KLHL38: variants seen among roughly 807,000 people sequenced by gnomAD.
KLHL38 encodes the protein kelch like family member 38, also known as kelch-like protein 38.
KLHL38 carries 38 observed loss-of-function variants against 39.6 expected under a neutral mutation model. That is an observed-to-expected ratio of 0.96 (90% CI 0.74 to 1.26). The LOEUF (loss-of-function observed/expected upper bound fraction) is 1.26. Among genes scored for constraint, KLHL38 ranks in the 50% most tolerant of loss-of-function variants. The probability of loss-of-function intolerance (pLI) is 0.00; values close to 1 mark genes in which losing one functional copy is unlikely to be tolerated. For missense variants in KLHL38, 803 were observed against 748.1 expected, an observed-to-expected ratio of 1.07 and a Z score of -0.86; for synonymous variants, 322 against 302.2, an observed-to-expected ratio of 1.07 and a Z score of -0.68.
Position 123,645,950 on chromosome 8 carries a change from A to C in KLHL38, c.1535T>G (p.Met512Arg), listed in dbSNP as rs375672745. The change falls in exon 4 of 4, where the codon ATG (methionine) becomes AGG (arginine). Residue 512 changes from methionine (M) to arginine (R), a missense_variant. Met to Arg is a moderately conservative substitution (Grantham distance 91). Transcript: ENST00000684634. ...TCCCATCACTGTGGCCCCATGGTGC[A>C]TCCTCCGGTCTTTCATGTCCGCACA... is the stretch of plus-strand genomic sequence containing the variant. ...VKCADMKDRR[M>R]HHGATVMGNK... The C allele has an allele frequency of 5.6e-6, 9 of 1,613,974 alleles. No homozygotes were observed. In the African/African-American group the frequency reaches 1.2e-4, roughly 22 times the overall value.
rs1818647772 is a variant in KLHL38, at chr8:123,645,585, G to C, written c.*154C>G. The C allele has an allele frequency of 2.9e-6, 2 of 679,860 alleles. No homozygotes were observed. The highest frequency in any genetic ancestry group is 5.0e-6 in the Non-Finnish European group (2 of 401,046). The allele number at this position is 679,860 out of a possible 1,614,324, so 42.1% of individuals were successfully genotyped here. ...GGCAGAGAAGGAGAGAGAGAGTTCT[G>C]GCAATGCAATGCCTAGTTCCAGGCC... On this transcript the variant is annotated 3_prime_UTR_variant, in exon 4 of 4. Transcript: ENST00000684634.
At position 123,652,959 on chromosome 8, in the gene KLHL38, G is replaced by A. The variant is rs527925140; in HGVS notation, c.-1-32C>T. On this transcript the variant is annotated intron_variant, in intron 1 of 3. Coordinates refer to ENST00000684634, the MANE Select transcript of KLHL38 (RefSeq NM_001081675.3). Reference sequence around the variant, plus strand: ...AGAGGGAAGGAAGCCCCCAGAGTCAGCAAGAGTCAAACCTTTCTCAGCTGC... The same window carrying A: ...AGAGGGAAGGAAGCCCCCAGAGTCAACAAGAGTCAAACCTTTCTCAGCTGC... 5 of 1,555,354 alleles carry A rather than the reference G, an allele frequency of 3.2e-6. No homozygotes were observed. The South Asian group carries it at 3.6e-5, about 11-fold the overall frequency.
chr8:123,647,568 T>G (rs1232930283), intron 2 of KLHL38, among the ~76,000 whole-genome samples: 1 of 152,232 alleles, frequency 6.6e-6, no homozygotes, highest in East Asian at 1.9e-4. Context: ...TTTGCCATGC[T>G]TTGAAACAGT....
Position 123,651,757 on chromosome 8 carries a change from C to A in KLHL38, c.1170G>T (p.Gly390=), listed in dbSNP as rs983782800. 2 of 1,613,880 alleles carry A rather than the reference C, an allele frequency of 1.2e-6. No homozygotes were observed. The highest frequency in any genetic ancestry group is 1.7e-6 in the Non-Finnish European group (2 of 1,179,886). Reference sequence around the variant, plus strand: ...CCATGAGCTCCTGCCCTTCTCCAATCCCCCCGATGGAGAAGATGAAGTTCT... The same window carrying A: ...CCATGAGCTCCTGCCCTTCTCCAATACCCCCGATGGAGAAGATGAAGTTCT... ...AHKNFIFSIG[G]IGEGQELMGS... Residue 390 remains glycine, a synonymous_variant, in exon 2 of 4, where the codon GGG becomes GGT. Coordinates refer to ENST00000684634, the MANE Select transcript of KLHL38 (RefSeq NM_001081675.3).
In KLHL38 at chr8:123,645,035, T is replaced by TGAGAGAGAGAGAGA. The variant is rs56194946; in HGVS notation, c.*690_*703dup. The stretch of plus-strand genomic sequence containing the variant: ...AGAGAGAGGAAGACAGAGGGGAGAC[T>TGAGAGAGAGAGAGA]GAGAGAGAGAGAGAGAGAGAGGGGC... On this transcript the variant is annotated 3_prime_UTR_variant, in exon 4 of 4. Transcript: ENST00000684634. Among the ~76,000 whole-genome samples, 694 of 143,558 alleles carry TGAGAGAGAGAGAGA rather than the reference T, an allele frequency of 4.8e-3. 7 individuals carry two copies. Among genetic ancestry groups the TGAGAGAGAGAGAGA allele is most frequent in the African/African-American group, 0.016 (636 of 39,006 alleles). 94.2% of individuals were successfully genotyped at this position (143,558 alleles called of 152,430 possible). A position where few individuals can be genotyped will look rare whatever the true frequency, so the allele number is the denominator to read the frequency against.
intron 1 of KLHL38, among the ~76,000 whole-genome samples, chr8:123,653,181 G>C (rs1411893186): frequency 6.6e-6 from 1 of 152,212 alleles, no homozygotes; most frequent in East Asian, 1.9e-4. Context: ...GCTAATCTGA[G>C]AGAAACAACC....
rs1351322648 is a variant in KLHL38, at chr8:123,645,916, G to C, written c.1569C>G (p.Leu523=). Residue 523 remains leucine, a synonymous_variant, in exon 4 of 4, where the codon CTC becomes CTG. Coordinates refer to ENST00000684634, the MANE Select transcript of KLHL38 (RefSeq NM_001081675.3). ...TCAGCCGCCGCCCGCCCGTCACGTA[G>C]AGTTTGTTTCCCATCACTGTGGCCC... ...HHGATVMGNK[L]YVTGGRRLTT... is the part of the protein sequence containing the mutation. 8 of 1,614,036 alleles carry C rather than the reference G, an allele frequency of 5.0e-6. No homozygotes were observed. In the East Asian group the frequency reaches 1.3e-4, roughly 27 times the overall value.
In KLHL38 at chr8:123,647,137, T is replaced by C. The variant is rs1818677762; in HGVS notation, c.1351-123A>G. 5 of 649,950 alleles carry C rather than the reference T, an allele frequency of 7.7e-6. No homozygotes were observed. In the East Asian group the frequency reaches 1.3e-4, roughly 17 times the overall value. 40.3% of individuals were successfully genotyped at this position (649,950 alleles called of 1,614,324 possible). ...TTTTCTGTCTGCTTTTTTCCAGTTT[T>C]AAAAATGTAGCTATTGTTAATAAAC... On this transcript the variant is annotated intron_variant, in intron 2 of 3. Coordinates refer to ENST00000684634, the MANE Select transcript of KLHL38 (RefSeq NM_001081675.3).
chr8:123,651,323 CGT>C (rs1359132455), intron 2 of KLHL38, among the ~76,000 whole-genome samples: 1 of 152,090 alleles, frequency 6.6e-6, no homozygotes, highest in Non-Finnish European at 1.5e-5. Flanking sequence ...CATGTGCACA[CGT>C]ATGCATGTTG....
At chr8:123,649,570 C>T (rs865782666) in intron 2 of KLHL38, among the ~76,000 whole-genome samples, 7 of 152,146 alleles carry the variant, frequency 4.6e-5, no homozygotes, top group Non-Finnish European at 7.4e-5. Flanking sequence ...ATGTGTTTTA[C>T]CTCATTCACC....
At chr8:123,650,756 C>T (rs756471993) in intron 2 of KLHL38, among the ~76,000 whole-genome samples, 2 of 152,150 alleles carry the variant, frequency 1.3e-5, no homozygotes, top group Non-Finnish European at 2.9e-5. Flanking sequence ...GGTTTCCCAA[C>T]CTGGCTGCAA....
At chr8:123,647,122 G>T in intron 2 of KLHL38, 108 bp from the exon 3 acceptor site, 2 of 679,154 alleles carry the variant, frequency 2.9e-6, no homozygotes, top group Non-Finnish European at 2.6e-6. Flanking sequence ...TTTTCTGTCT[G>T]CTTTTTTCCA....
At chr8:123,649,728 G>A (rs536140462) in intron 2 of KLHL38, among the ~76,000 whole-genome samples, 10 of 152,188 alleles carry the variant, frequency 6.6e-5, no homozygotes, top group Non-Finnish European at 1.3e-4. Context: ...AGGGGCTCAG[G>A]GGTTGCGATG....
rs775236655 is a variant in KLHL38 at position 123,645,966 on chromosome 8, T to C, written c.1519A>G (p.Met507Val). ...CCATGGTGCATCCTCCGGTCTTTCA[T>C]GTCCGCACATTTGACAAATTTGTTG... ...QSNKFVKCAD[M>V]KDRRMHHGAT... The change falls in exon 4 of 4, where the codon ATG becomes GTG. Residue 507 changes from methionine to valine, a missense_variant. By Grantham distance (21) the Met-to-Val change is conservative. Transcript: ENST00000684634. 4 of 1,614,036 alleles carry C rather than the reference T, an allele frequency of 2.5e-6. No homozygotes were observed. The highest frequency in any genetic ancestry group is 1.3e-5 in the African/African-American group (1 of 74,916).
chr8:123,651,537 T>C, intron 2 of KLHL38, 40 bp downstream of exon 2: 2 of 1,530,286 alleles, frequency 1.3e-6, no homozygotes, highest in African/African-American at 1.4e-5. Flanking sequence ...CAAGCACACA[T>C]ACTCATGCAG....
chr8:123,651,517 T>TA, intron 2 of KLHL38, 60 bp downstream of exon 2: 1 of 1,490,656 alleles, frequency 6.7e-7, no homozygotes, highest in South Asian at 1.3e-5. Flanking sequence ...CAAGCAGGTG[T>TA]GGGTGTGTCC....
rs1357762902 is a variant in KLHL38, at chr8:123,645,954, T to A, written c.1531A>T (p.Arg511Trp). 1 of 1,613,984 alleles carries A rather than the reference T, an allele frequency of 6.2e-7. No homozygotes were observed. Among genetic ancestry groups the A allele is most frequent in the Non-Finnish European group, 8.5e-7 (1 of 1,180,000 alleles). ...FVKCADMKDR[R>W]MHHGATVMGN... ...ATCACTGTGGCCCCATGGTGCATCC[T>A]CCGGTCTTTCATGTCCGCACATTTG... The change falls in exon 4 of 4, where the codon AGG (arginine) becomes TGG (tryptophan). Residue 511 changes from arginine to tryptophan, a missense_variant. Physicochemically the swap from Arg to Trp is moderately radical, Grantham distance 101. Coordinates refer to ENST00000684634, the MANE Select transcript of KLHL38 (RefSeq NM_001081675.3).
chr8:123,646,477 T>C (rs557012457), intron 3 of KLHL38, among the ~76,000 whole-genome samples: 3 of 152,342 alleles, frequency 2.0e-5, no homozygotes, highest in South Asian at 4.1e-4. Flanking sequence ...CTAAAAAGTA[T>C]ATAGCCAGTT....
Position 123,652,454 on chromosome 8 carries a change from A to G in KLHL38, c.473T>C (p.Val158Ala). Residue 158 changes from valine to alanine, a missense_variant, in exon 2 of 4, where the codon GTG becomes GCG. Transcript: ENST00000684634. ...CACCTCTGGGAAGGACGTCAGTGCC[A>G]CCTCCCTGGCTTTCTTCTTGAGGGT... ...CETLKKKARE[V>A]ALTSFPEVAA... 6.2e-7 allele frequency: 1 copy of G among 1,614,038 alleles called. No individual in the cohort carries two copies. The highest frequency in any genetic ancestry group is 8.5e-7 in the Non-Finnish European group (1 of 1,180,028).
Sources: gnomAD v4.1 joint callset for allele counts (sites outside exome capture counted in the v4.1 genomes callset) on GRCh38, gnomAD v4.1.1 for gene constraint, MANE v1.5 for transcripts, NCBI Gene and HGNC (gene_info 2026-07-23, HGNC 2026-07-21) for gene names.